RNF6: variants seen among roughly 807,000 people sequenced by gnomAD.
The protein encoded by RNF6 is ring finger protein 6, also known as E3 ubiquitin-protein ligase RNF6.
In RNF6, 21 loss-of-function variants were observed where a neutral mutation model predicts 50.1. The ratio of observed to expected loss-of-function variants is 0.42; its 90% CI spans 0.30 to 0.60. The LOEUF (loss-of-function observed/expected upper bound fraction) is 0.60, where lower values mean the gene tolerates loss of function less well. Among genes scored for constraint, RNF6 ranks in the 20% least tolerant of loss-of-function variants. The pLI, the probability that RNF6 is intolerant of heterozygous loss-of-function variation, is 0.20. For missense variants in RNF6, 698 were observed against 838.2 expected (o/e 0.83, Z 2.07); for synonymous variants, 255 against 291.8 (o/e 0.87, Z 1.29).
downstream of RNF6, among the ~76,000 whole-genome samples, chr13:26,208,557 G>A (rs947607930): frequency 6.6e-6 from 1 of 152,144 alleles, no homozygotes; most frequent in Non-Finnish European, 1.5e-5. Flanking sequence ...ATAAATCTTA[G>A]CTGTGAACAT....
chr13:26,151,051 G>A (rs531073042), intron 5 of RNF6: 1 of 152,292 alleles, frequency 6.6e-6, no homozygotes, highest in Non-Finnish European at 1.5e-5. Flanking sequence ...TAAATAAAAA[G>A]GGGAAGGAAA....
chr13:26,150,882 C>G (rs1009591909), intron 5 of RNF6: 67 of 152,232 alleles, frequency 4.4e-4, no homozygotes, highest in African/African-American at 1.6e-3. Context: ...ATATATTTTC[C>G]TGTTGGGGAC....
intron 5 of RNF6, among the ~76,000 whole-genome samples, chr13:26,174,952 C>A (rs1048710651): frequency 6.6e-6 from 1 of 152,144 alleles, no homozygotes; most frequent in South Asian, 2.1e-4. Context: ...TTTAAAGGCC[C>A]TATTTCCAGA....
In RNF6 at chr13:26,189,419, G is replaced by A. The variant is rs183159868; in HGVS notation, n.768+26055C>T. Among the ~76,000 whole-genome samples, 7 of 152,330 alleles carry A rather than the reference G, an allele frequency of 4.6e-5. No individual in the cohort carries two copies. In the East Asian group the frequency reaches 1.3e-3, roughly 29 times the overall value. ...AAATCAAATAACAGGCTTAGTGTGA[G>A]TTGGAATAAACCTATCAATGGCTAC... On this transcript the variant is annotated intron_variant and non_coding_transcript_variant, in intron 5 of 5. Coordinates refer to the RNF6 transcript ENST00000468480.
At chr13:26,183,847 C>G (rs11620064) in intron 5 of RNF6, among the ~76,000 whole-genome samples, 1 of 147,122 alleles carries the variant, frequency 6.8e-6, no homozygotes, top group Admixed American at 6.8e-5. Flanking sequence ...ATATATTCCT[C>G]GAATTATTTA....
intron 5 of RNF6, among the ~76,000 whole-genome samples, chr13:26,206,902 G>A (rs1365028972): frequency 6.8e-6 from 1 of 146,306 alleles, no homozygotes; most frequent in Non-Finnish European, 1.5e-5. Flanking sequence ...TCCCTTCATG[G>A]GCCCCTTCCT....
At chr13:26,207,394 G>A (rs1344655447) in intron 5 of RNF6, among the ~76,000 whole-genome samples, 6 of 152,108 alleles carry the variant, frequency 3.9e-5, no homozygotes, top group South Asian at 2.1e-4. Flanking sequence ...GTGACAAGTC[G>A]AAATGAGGCT....
chr13:26,181,996 G>A (rs910280610), intron 5 of RNF6, among the ~76,000 whole-genome samples: 1 of 151,994 alleles, frequency 6.6e-6, no homozygotes, highest in Non-Finnish European at 1.5e-5. Context: ...CTTTAATCTG[G>A]AACAAATAGT....
At chr13:26,222,393 C>T (rs1870614901), upstream of RNF6, 1 of 152,380 alleles carries the variant, frequency 6.6e-6, no homozygotes, top group Admixed American at 6.5e-5. Flanking sequence ...AGTGCCTCCT[C>T]CTCGAGGCCA....
Position 26,183,491 on chromosome 13 carries a change from T to C in RNF6, n.768+31983A>G, listed in dbSNP as rs375013640. Among the ~76,000 whole-genome samples the C allele has an allele frequency of 3.2e-4, 48 of 152,310 alleles. No individual in the cohort carries two copies. The East Asian group carries it at 8.7e-3, about 28-fold the overall frequency. On this transcript the variant is annotated intron_variant and non_coding_transcript_variant, in intron 5 of 5. Transcript: ENST00000468480. ...TGTATATTTGCTGGTAGGTGTTTTATTTGTGAGATAGGATGGGGATCAGGA... is the reference window on the plus strand; with the variant it reads ...TGTATATTTGCTGGTAGGTGTTTTACTTGTGAGATAGGATGGGGATCAGGA...
intron 5 of RNF6, among the ~76,000 whole-genome samples, chr13:26,183,252 T>C (rs996302530): frequency 2.0e-5 from 3 of 152,210 alleles, no homozygotes; most frequent in Non-Finnish European, 2.9e-5. Context: ...GAAAAACTTG[T>C]AAAACTTGAC....
intron 5 of RNF6, among the ~76,000 whole-genome samples, chr13:26,151,771 A>C (rs1254848578): frequency 1.3e-5 from 2 of 152,168 alleles, no homozygotes; most frequent in Non-Finnish European, 2.9e-5. Flanking sequence ...AACAATGTTA[A>C]AGGGAATCTG....
Position 26,214,205 on chromosome 13 carries a change from A to G in RNF6, c.1677T>C (p.His559=), listed in dbSNP as rs1566438345. ...MHGENETTQP[H]TRNSDSRGGR... is the part of the protein sequence containing the mutation. The stretch of plus-strand genomic sequence containing the variant: ...CACCCCTACTGTCACTGTTTCGAGT[A>G]TGAGGCTGGGTGGTCTCGTTTTCAC... Residue 559 remains histidine (H), a synonymous_variant, in exon 5 of 5, where the codon CAT becomes CAC. Coordinates refer to ENST00000381588, the MANE Select transcript of RNF6 (RefSeq NM_005977.4). 6.2e-6 allele frequency: 10 copies of G among 1,614,188 alleles called. No homozygotes were observed. The highest frequency in any genetic ancestry group is 2.2e-5 in the South Asian group (2 of 91,078).
chr13:26,180,292 CT>C (rs1326398767), intron 5 of RNF6, among the ~76,000 whole-genome samples: 1 of 152,172 alleles, frequency 6.6e-6, no homozygotes, highest in Admixed American at 6.5e-5. Flanking sequence ...GTGGAACCAG[CT>C]GTCTGTTTGT....
At chr13:26,204,340 AC>A (rs2137715353) in intron 5 of RNF6, among the ~76,000 whole-genome samples, 1 of 151,762 alleles carries the variant, frequency 6.6e-6, no homozygotes, top group African/African-American at 2.4e-5. Flanking sequence ...TACTAAAAAT[AC>A]AAAAAATTAG....
chr13:26,196,373 G>A (rs1399951611), intron 5 of RNF6, among the ~76,000 whole-genome samples: 2 of 152,226 alleles, frequency 1.3e-5, no homozygotes, highest in South Asian at 2.1e-4. Flanking sequence ...TTTTCAGGCC[G>A]GGTGTGGTGG....
At chr13:26,220,550 A>T (rs1257920421) in intron 2 of RNF6, among the ~76,000 whole-genome samples, 1 of 152,244 alleles carries the variant, frequency 6.6e-6, no homozygotes, top group Non-Finnish European at 1.5e-5. Context: ...TCAGTAAGTC[A>T]CACTAAAGCA....
At chr13:26,184,154 A>C (rs1316885199) in intron 5 of RNF6, among the ~76,000 whole-genome samples, 1 of 150,012 alleles carries the variant, frequency 6.7e-6, no homozygotes, top group Non-Finnish European at 1.5e-5. Context: ...CAGCCTCCCG[A>C]GTAGCTGGGG....
At position 26,159,416 on chromosome 13, in the gene RNF6, AG is replaced by A. The variant is rs1872095743; in HGVS notation, n.769-26966del. ...GAGGCACGTGAATCACAAGGTCAGCAGATCGAGACCATCCTGGATAACACGG... is the reference window on the plus strand; with the variant it reads ...GAGGCACGTGAATCACAAGGTCAGCAATCGAGACCATCCTGGATAACACGG... On this transcript the variant is annotated intron_variant and non_coding_transcript_variant, in intron 5 of 5. Coordinates refer to the RNF6 transcript ENST00000468480. 2.0e-5 allele frequency among the ~76,000 whole-genome samples: 3 copies of A among 152,250 alleles called. No individual in the cohort carries two copies. The South Asian group carries it at 6.2e-4, about 32-fold the overall frequency.
Sources: allele counts gnomAD v4.1 joint callset (sites outside exome capture counted in the v4.1 genomes callset), GRCh38; gene constraint gnomAD v4.1.1; transcripts MANE v1.5; gene names NCBI Gene and HGNC (gene_info 2026-07-23, HGNC 2026-07-21).